Variants in BMP6 observed in about 807,000 individuals in gnomAD.
BMP6 encodes VG-1-R.
BMP6 carries 17 observed loss-of-function variants against 54.1 expected under a neutral mutation model. The ratio of observed to expected loss-of-function variants is 0.31; its 90% CI spans 0.22 to 0.47. The LOEUF (loss-of-function observed/expected upper bound fraction) is 0.47, where lower values mean the gene tolerates loss of function less well. Among genes scored for constraint, BMP6 ranks in the 20% least tolerant of loss-of-function variants. The pLI is 1.00. For synonymous variants in BMP6, 328 were observed against 291.2 expected, an observed-to-expected ratio of 1.13 and a Z score of -1.28; for missense variants, 720 against 690.4, an observed-to-expected ratio of 1.04 and a Z score of -0.48.
chr6:7,879,766 C>T (rs1162728851), intron 5 of BMP6, among the ~76,000 whole-genome samples: 4 of 152,166 alleles, frequency 2.6e-5, no homozygotes, highest in African/African-American at 9.7e-5. Flanking sequence ...GCAGCTGAGG[C>T]CCTGTGGGCC....
intron 1 of BMP6, among the ~76,000 whole-genome samples, chr6:7,741,426 GCT>G (rs1757252821): frequency 1.3e-5 from 2 of 151,778 alleles, no homozygotes; most frequent in Non-Finnish European, 2.9e-5. Context: ...CTCTTGAGTA[GCT>G]GGACTACTAG....
At chr6:7,820,731 G>A (rs964341901) in intron 1 of BMP6, among the ~76,000 whole-genome samples, 9 of 151,526 alleles carry the variant, frequency 5.9e-5, no homozygotes, top group Admixed American at 3.3e-4. Context: ...CCCCTAGCAC[G>A]TGTGTCTTAG....
intron 2 of BMP6, among the ~76,000 whole-genome samples, chr6:7,857,249 T>C (rs1759256254): frequency 6.6e-6 from 1 of 152,188 alleles, no homozygotes. Context: ...ATTTTTGAAA[T>C]TTTCCAGAAA....
chr6:7,808,914 T>TAAAAAAAAAAAAA (rs70982107), intron 1 of BMP6, among the ~76,000 whole-genome samples: 2 of 88,968 alleles, frequency 2.2e-5, no homozygotes, highest in Admixed American at 1.4e-4. Context: ...ACCCTGTCTC[T>TAAAAAAAAAAAAA]AAAAAAAAAA....
intron 1 of BMP6, among the ~76,000 whole-genome samples, chr6:7,731,762 C>T (rs975585127): frequency 2.0e-5 from 3 of 152,162 alleles, no homozygotes; most frequent in Non-Finnish European, 4.4e-5. Flanking sequence ...GGTAAATCAT[C>T]GTGCTTTATT....
At chr6:7,738,678 G>T (rs1163925650) in intron 1 of BMP6, among the ~76,000 whole-genome samples, 1 of 152,150 alleles carries the variant, frequency 6.6e-6, no homozygotes, top group African/African-American at 2.4e-5. Context: ...TTCCCAAGAC[G>T]ATTCTTTTTA....
chr6:7,823,962 A>G (rs980771491), intron 1 of BMP6, among the ~76,000 whole-genome samples: 1 of 152,206 alleles, frequency 6.6e-6, no homozygotes, highest in Admixed American at 6.5e-5. Context: ...TCTGGTTTAT[A>G]TTTTAAAAGG....
chr6:7,879,128 G>C lies in BMP6; in HGVS notation c.1259G>C (p.Ser420Thr). 6.2e-7 allele frequency: 1 copy of C among 1,614,226 alleles called. No individual in the cohort carries two copies. Among genetic ancestry groups the C allele is most frequent in the Non-Finnish European group, 8.5e-7 (1 of 1,180,014 alleles). Residue 420 changes from serine to threonine, a missense_variant, in exon 5 of 7, where the codon AGT (serine) becomes ACT (threonine). Transcript: ENST00000283147. The stretch of plus-strand genomic sequence containing the variant: ...TGCAGGAAGCATGAGCTGTATGTGA[G>C]TTTCCAAGACCTGGGATGGCAGGTG... ...TACRKHELYV[S>T]FQDLGWQDWI...
chr6:7,766,572 C>T (rs969864071), intron 1 of BMP6, among the ~76,000 whole-genome samples: 10 of 152,130 alleles, frequency 6.6e-5, no homozygotes, highest in Non-Finnish European at 1.0e-4. Flanking sequence ...GAGCCAAGAT[C>T]GTGCCACTGC....
At chr6:7,859,026 T>C (rs530772478) in intron 2 of BMP6, among the ~76,000 whole-genome samples, 44 of 152,182 alleles carry the variant, frequency 2.9e-4, no homozygotes, top group South Asian at 4.2e-4. Context: ...GGATGGAAAC[T>C]GGGCTCTCCA....
intron 1 of BMP6, among the ~76,000 whole-genome samples, chr6:7,792,528 A>G (rs1329657509): frequency 2.6e-5 from 4 of 152,206 alleles, no homozygotes; most frequent in African/African-American, 9.7e-5. Context: ...TAATGGCTGC[A>G]TAAAATAGGA....
intron 1 of BMP6, among the ~76,000 whole-genome samples, chr6:7,757,175 T>C (rs972817511): frequency 8.5e-5 from 13 of 152,228 alleles, no homozygotes; most frequent in African/African-American, 2.9e-4. Flanking sequence ...ATCCTTCCAT[T>C]TGTAAAATAC....
intron 6 of BMP6, 40 bp downstream of exon 6, chr6:7,880,141 C>T: frequency 6.2e-7 from 1 of 1,613,932 alleles, no homozygotes; most frequent in South Asian, 1.1e-5. Flanking sequence ...TGGGAGTAAG[C>T]CAAGACCAGG....
intron 1 of BMP6, among the ~76,000 whole-genome samples, chr6:7,746,171 G>A (rs1307014545): frequency 1.3e-5 from 2 of 152,208 alleles, no homozygotes; most frequent in East Asian, 3.9e-4. Context: ...GGTCCGAGGT[G>A]CCTGAATCCG....
At chr6:7,739,376 G>A (rs1762008361) in intron 1 of BMP6, among the ~76,000 whole-genome samples, 1 of 152,052 alleles carries the variant, frequency 6.6e-6, no homozygotes, top group Non-Finnish European at 1.5e-5. Context: ...CAAATATTCT[G>A]GAAGCTTAAA....
chr6:7,761,720 G>T (rs563751954), intron 1 of BMP6, among the ~76,000 whole-genome samples: 198 of 152,254 alleles, frequency 1.3e-3, no homozygotes, highest in Non-Finnish European at 2.4e-3. Context: ...CCTTCAAAAA[G>T]GCTTCATTGA....
intron 1 of BMP6, among the ~76,000 whole-genome samples, chr6:7,729,369 G>C (rs547777992): frequency 6.8e-6 from 1 of 146,532 alleles, no homozygotes; most frequent in African/African-American, 2.5e-5. Flanking sequence ...CTGGGGAAAT[G>C]TTTTATTGCC....
intron 1 of BMP6, among the ~76,000 whole-genome samples, chr6:7,828,534 G>C (rs1282716852): frequency 6.6e-6 from 1 of 152,254 alleles, no homozygotes; most frequent in Non-Finnish European, 1.5e-5. Flanking sequence ...ACCAAGGAAA[G>C]ATTCAAGTGT....
chr6:7,814,112 T>C (rs1272578188), intron 1 of BMP6, among the ~76,000 whole-genome samples: 1 of 152,224 alleles, frequency 6.6e-6, no homozygotes, highest in Admixed American at 6.5e-5. Flanking sequence ...CAGCTCATTA[T>C]GCCTGGGATC....
Sources: allele counts gnomAD v4.1 joint callset (sites outside exome capture counted in the v4.1 genomes callset), GRCh38; gene constraint gnomAD v4.1.1; transcripts MANE v1.5; gene names NCBI Gene and HGNC (gene_info 2026-07-23, HGNC 2026-07-21).